Variants in SLC22A23 observed in about 807,000 individuals in gnomAD.
SLC22A23 encodes solute carrier family 22 member 23.
A neutral mutation model predicts 61.0 loss-of-function variants in SLC22A23; 26 were observed. The ratio of observed to expected loss-of-function variants is 0.43; its 90% confidence interval spans 0.31 to 0.59. The LOEUF is 0.59. Ranked by LOEUF, SLC22A23 falls within the 20% of genes least tolerant of loss-of-function variation. SLC22A23 has a pLI of 0.11. For synonymous variants in SLC22A23, 430 were observed against 413.9 expected, an observed-to-expected ratio of 1.04 and a Z score of -0.47; for missense variants, 796 against 934.7, an observed-to-expected ratio of 0.85 and a Z score of 1.94.
Position 3,360,402 on chromosome 6 carries a change from C to G in SLC22A23, c.914-36400G>C, listed in dbSNP as rs144291834. Among the ~76,000 whole-genome samples, 1 of 152,248 alleles carries G rather than the reference C, an allele frequency of 6.6e-6. No homozygotes were observed. The highest frequency in any genetic ancestry group is 1.5e-5 in the Non-Finnish European group (1 of 68,014). On this transcript the variant is annotated intron_variant, in intron 3 of 9. Transcript: ENST00000406686. This position sits in a 1 kb window ranked among gnomAD's most constrained non-coding sequence, Gnocchi z 4.6. Reference sequence around the variant, plus strand: ...ACCCATCCACCCAAGGATCCTTAAACTCAGGAGGATCAGAAAGGCTCAATC... The same window carrying G: ...ACCCATCCACCCAAGGATCCTTAAAGTCAGGAGGATCAGAAAGGCTCAATC...
At position 3,269,132 on chromosome 6, in the gene SLC22A23, A is replaced by G. The variant is rs1343884923; in HGVS notation, c.*3923T>C. 2.0e-5 allele frequency: 3 copies of G among 150,950 alleles called. No individual in the cohort carries two copies. Among genetic ancestry groups the G allele is most frequent in the Admixed American group, 6.6e-5 (1 of 15,074 alleles). The allele number at this position is 150,950 out of a possible 1,614,324, so 9.4% of individuals were successfully genotyped here. ...CCTTCAGGCCACGGATCAGCAGAAC[A>G]TACACGAACAAGGGAAAAAAATTCC... On this transcript the variant is annotated 3_prime_UTR_variant, in exon 10 of 10. Coordinates refer to ENST00000406686, the MANE Select transcript of SLC22A23 (RefSeq NM_015482.2).
intron 3 of SLC22A23, among the ~76,000 whole-genome samples, chr6:3,404,596 G>A (rs973963299): frequency 3.3e-5 from 5 of 152,238 alleles, no homozygotes; most frequent in Middle Eastern, 6.8e-3. Flanking sequence ...CTCCCTGCTG[G>A]ATGGCTCACC....
rs1581602201 is a variant in SLC22A23, at chr6:3,283,923, G to T, written c.1632C>A (p.Gly544=). The change falls in exon 9 of 10, where the codon GGC becomes GGA. Residue 544 remains glycine, a synonymous_variant. Coordinates refer to ENST00000406686, the MANE Select transcript of SLC22A23 (RefSeq NM_015482.2). ...DKFSIAFSIV[G]MFASHAVGSL... ...TCCCCACCGCATGGGAGGCAAACAT[G>T]CCCACGATGGAAAACGCGATGGAAA... 6.2e-7 allele frequency: 1 copy of T among 1,609,922 alleles called. No individual in the cohort carries two copies. The highest frequency in any genetic ancestry group is 8.5e-7 in the Non-Finnish European group (1 of 1,176,482).
Position 3,410,173 on chromosome 6 carries a change from A to G in SLC22A23, c.913+15T>C. On this transcript the variant is annotated intron_variant, in intron 3 of 9. Transcript: ENST00000406686. The surrounding 1 kb of genome is among the most constrained non-coding windows in gnomAD (Gnocchi z 5.0). ...CTAAATTCTTTCAAGACTAGTCGTGAAGGCTCCTACTTACGTAAAGCATAC... is the reference window on the plus strand; with the variant it reads ...CTAAATTCTTTCAAGACTAGTCGTGGAGGCTCCTACTTACGTAAAGCATAC... The G allele has an allele frequency of 6.2e-7, 1 of 1,601,050 alleles. No individual in the cohort carries two copies. The highest frequency in any genetic ancestry group is 8.5e-7 in the Non-Finnish European group (1 of 1,174,604).
At chr6:3,364,698 A>G (rs1765690427) in intron 3 of SLC22A23, among the ~76,000 whole-genome samples, 1 of 152,206 alleles carries the variant, frequency 6.6e-6, no homozygotes, top group African/African-American at 2.4e-5. Flanking sequence ...AGGCAGCCAC[A>G]CAGGAGCAGG....
At chr6:3,305,478 G>C (rs1429647292) in intron 4 of SLC22A23, among the ~76,000 whole-genome samples, 2 of 152,180 alleles carry the variant, frequency 1.3e-5, no homozygotes, top group African/African-American at 4.8e-5. Context: ...ATTTAAATTT[G>C]CTGCAAAATC....
intron 5 of SLC22A23, among the ~76,000 whole-genome samples, chr6:3,292,282 T>G (rs1760671475): frequency 6.6e-6 from 1 of 152,246 alleles, no homozygotes; most frequent in East Asian, 1.9e-4. Flanking sequence ...CAGCGCTCTA[T>G]GTTATAGGAC....
chr6:3,378,682 A>C (rs918786544), intron 3 of SLC22A23, among the ~76,000 whole-genome samples: 7 of 72,068 alleles, frequency 9.7e-5, no homozygotes, highest in African/African-American at 3.5e-4. Flanking sequence ...TTTGAGATGG[A>C]GTTTTGCTCT....
intron 3 of SLC22A23, among the ~76,000 whole-genome samples, chr6:3,353,802 C>G (rs920311517): frequency 1.3e-5 from 2 of 152,208 alleles, no homozygotes; most frequent in Admixed American, 6.5e-5. Context: ...ACCATTCCCC[C>G]ACCTTCTTAG....
chr6:3,304,426 G>A lies in SLC22A23; in HGVS notation c.1083-6208C>T, dbSNP rs1761827123. Among the ~76,000 whole-genome samples, 1 of 152,234 alleles carries A rather than the reference G, an allele frequency of 6.6e-6. No individual in the cohort carries two copies. Among genetic ancestry groups the A allele is most frequent in the Non-Finnish European group, 1.5e-5 (1 of 68,044 alleles). Reference sequence around the variant, plus strand: ...CAAAGCTCATAGAAAAGATTTCAAGGATATTACTGTTTACAAAGGCGTGGT... The same window carrying A: ...CAAAGCTCATAGAAAAGATTTCAAGAATATTACTGTTTACAAAGGCGTGGT... On this transcript the variant is annotated intron_variant, in intron 4 of 9. Transcript: ENST00000406686. This position sits in a 1 kb window ranked among gnomAD's most constrained non-coding sequence, Gnocchi z 4.3.
At chr6:3,355,032 T>C (rs1764983193) in intron 3 of SLC22A23, among the ~76,000 whole-genome samples, 2 of 151,884 alleles carry the variant, frequency 1.3e-5, no homozygotes, top group Non-Finnish European at 2.9e-5. Flanking sequence ...GGAAAAACAA[T>C]AAAAGATATT....
At chr6:3,439,219 C>T (rs937488601) in intron 1 of SLC22A23, 1 of 378,234 alleles carries the variant, frequency 2.6e-6, no homozygotes, top group African/African-American at 2.1e-5. Context: ...ACCCTCCCCC[C>T]ATGCCCCCAA....
At chr6:3,343,263 C>T (rs952918903) in intron 3 of SLC22A23, among the ~76,000 whole-genome samples, 23 of 152,164 alleles carry the variant, frequency 1.5e-4, no homozygotes, top group Admixed American at 3.3e-4. Context: ...ACTGCATTTC[C>T]ACATCTATTC....
At chr6:3,283,663 A>G in intron 9 of SLC22A23, 189 bp downstream of exon 9, 1 of 837,546 alleles carries the variant, frequency 1.2e-6, no homozygotes, top group Non-Finnish European at 1.8e-6. Flanking sequence ...CCCCAGGGCC[A>G]GGTTCTCACT....
At position 3,318,570 on chromosome 6, in the gene SLC22A23, C is replaced by T. The variant is rs1437446272; in HGVS notation, c.1082+5264G>A. Among the ~76,000 whole-genome samples, 1 of 152,140 alleles carries T rather than the reference C, an allele frequency of 6.6e-6. No individual in the cohort carries two copies. The highest frequency in any genetic ancestry group is 2.4e-5 in the African/African-American group (1 of 41,420). On this transcript the variant is annotated intron_variant, in intron 4 of 9. Transcript: ENST00000406686. This position sits in a 1 kb window ranked among gnomAD's most constrained non-coding sequence, Gnocchi z 4.3. ...CCTCCCTGTGTGCCTCCTGGCCCAC[C>T]CCAGTGCTTCCCAGGAGGCCCTGTG... is the stretch of plus-strand genomic sequence containing the variant.
At chr6:3,315,805 A>C (rs1452038401) in intron 4 of SLC22A23, among the ~76,000 whole-genome samples, 1 of 152,054 alleles carries the variant, frequency 6.6e-6, no homozygotes, top group African/African-American at 2.4e-5. Context: ...CAGAGCTTGC[A>C]GTGAGCTGAG....
chr6:3,382,858 G>A (rs1181521666), intron 3 of SLC22A23, among the ~76,000 whole-genome samples: 1 of 152,174 alleles, frequency 6.6e-6, no homozygotes, highest in Non-Finnish European at 1.5e-5. Flanking sequence ...TCTTGCCAAA[G>A]AAGGGCATTG....
At position 3,415,868 on chromosome 6, in the gene SLC22A23, A is replaced by G; in HGVS notation, c.655-13T>C. ...ACACAAGATCCCACTAGAGAGGGGC[A>G]AATAGAAAATAAATCAGAGAGAAAC... On this transcript the variant is annotated splice_polypyrimidine_tract_variant and intron_variant, in intron 1 of 9. Transcript: ENST00000406686. 6.6e-7 allele frequency: 1 copy of G among 1,518,510 alleles called. No individual in the cohort carries two copies. Among genetic ancestry groups the G allele is most frequent in the Non-Finnish European group, 9.0e-7 (1 of 1,116,504 alleles). The allele number at this position is 1,518,510 out of a possible 1,614,324, so 94.1% of individuals were successfully genotyped here. A position where few individuals can be genotyped will look rare whatever the true frequency, so the allele number is the denominator to read the frequency against.
At chr6:3,402,667 C>T (rs1768510110) in intron 3 of SLC22A23, among the ~76,000 whole-genome samples, 1 of 120,928 alleles carries the variant, frequency 8.3e-6, no homozygotes. Flanking sequence ...AAATAGCAAA[C>T]ACCTATTCTC....
Sources: gnomAD v4.1 joint callset for allele counts (sites outside exome capture counted in the v4.1 genomes callset) on GRCh38, gnomAD v4.1.1 for gene constraint, Gnocchi (gnomAD v3.1) non-coding constraint, MANE v1.5 for transcripts, NCBI Gene and HGNC (gene_info 2026-07-23, HGNC 2026-07-21) for gene names.